Variants in SLC4A11 observed in about 807,000 individuals in gnomAD.
SLC4A11 encodes the protein bicarbonate transporter related protein 1.
A neutral mutation model predicts 95.0 loss-of-function variants in SLC4A11; 74 were observed. That is an observed-to-expected ratio of 0.78 (90% CI 0.65 to 0.95). The LOEUF (loss-of-function observed/expected upper bound fraction) is 0.95. SLC4A11 is among the 40% of genes least tolerant of loss of function. The pLI, the probability that SLC4A11 is intolerant of heterozygous loss-of-function variation, is 0.00. For missense variants in SLC4A11, 1,081 were observed against 1,192.4 expected (o/e 0.91, Z 1.38); for synonymous variants, 548 against 519.0 (o/e 1.06, Z -0.76).
rs752093825 is a variant in SLC4A11 at position 3,229,398 on chromosome 20, G to C, written c.1797C>G (p.Ile599Met). ...TGATGAGGGAGAAGGCGAGCACCGCGATGGGCAGGGCGCAGTCGGACAGGA... is the reference window on the plus strand; with the variant it reads ...TGATGAGGGAGAAGGCGAGCACCGCCATGGGCAGGGCGCAGTCGGACAGGA... ...REILSDCALP[I>M]AVLAFSLISS... The change falls in exon 15 of 20, where the codon ATC (isoleucine) becomes ATG (methionine). Residue 599 changes from isoleucine to methionine, a missense_variant. Transcript: ENST00000642402. The C allele has an allele frequency of 1.2e-6, 2 of 1,613,338 alleles. No individual in the cohort carries two copies. The highest frequency in any genetic ancestry group is 1.7e-5 in the Admixed American group (1 of 60,032).
rs747350862 is a variant in SLC4A11, at chr20:3,229,824, G to C, written c.1490-48C>G. 3.1e-6 allele frequency: 5 copies of C among 1,612,990 alleles called. No individual in the cohort carries two copies. The South Asian group carries it at 5.5e-5, about 18-fold the overall frequency. ...CTCAGCCCTCTCCAGCGTGTGGCAGGGGGAGGCCCTGGAGGGAGGGGATCT... is the reference window on the plus strand; with the variant it reads ...CTCAGCCCTCTCCAGCGTGTGGCAGCGGGAGGCCCTGGAGGGAGGGGATCT... On this transcript the variant is annotated intron_variant, in intron 13 of 19. Coordinates refer to ENST00000642402, the MANE Select transcript of SLC4A11 (RefSeq NM_001174089.2).
chr20:3,230,690 A>G, intron 11 of SLC4A11, 42 bp downstream of exon 11: 1 of 1,612,956 alleles, frequency 6.2e-7, no homozygotes, highest in South Asian at 1.1e-5. Context: ...GGCAGGAACC[A>G]GGGGTCTCAG....
chr20:3,229,543 G>A lies in SLC4A11; in HGVS notation c.1723C>T (p.Leu575Phe). The A allele has an allele frequency of 6.2e-7, 1 of 1,612,894 alleles. No homozygotes were observed. The highest frequency in any genetic ancestry group is 8.5e-7 in the Non-Finnish European group (1 of 1,179,962). ...MLGTLWLGYT[L>F]YQFKKSPYLH... The stretch of plus-strand genomic sequence containing the variant: ...CCTCACCTCTTCTTGAATTGGTAGA[G>A]GGTGTAGCCCAGCCAGAGCGTGCCC... Residue 575 changes from leucine to phenylalanine, a missense_variant, in exon 14 of 20, where the codon CTC (leucine) becomes TTC (phenylalanine). Transcript: ENST00000642402.
rs369794467 is a variant in SLC4A11, at chr20:3,227,748, T to C, written c.*39A>G. The C allele has an allele frequency of 6.2e-7, 1 of 1,606,992 alleles. No homozygotes were observed. The highest frequency in any genetic ancestry group is 8.5e-7 in the Non-Finnish European group (1 of 1,176,308). ...GCTCCAGAGCCAGCCTGGGAGGACG[T>C]GGAGGGCTGGCGAATGGGGCGTGGG... On this transcript the variant is annotated 3_prime_UTR_variant, in exon 20 of 20. Coordinates refer to ENST00000642402, the MANE Select transcript of SLC4A11 (RefSeq NM_001174089.2).
chr20:3,230,808 G>GCC lies in SLC4A11; in HGVS notation c.1204_1205dup (p.Leu403AlafsTer13), dbSNP rs1169567113. On this transcript the variant is annotated frameshift_variant, in exon 11 of 20. Coordinates refer to ENST00000642402, the MANE Select transcript of SLC4A11 (RefSeq NM_001174089.2). LOFTEE classifies it high-confidence loss of function. ...GCCCAGAGAAGAGCGCGTAGAGCAG[G>GCC]CCCCCGATGCTCTGCCCGGCTATGG... 1 of 1,613,210 alleles carries GCC rather than the reference G, an allele frequency of 6.2e-7. No individual in the cohort carries two copies. Among genetic ancestry groups the GCC allele is most frequent in the African/African-American group, 1.3e-5 (1 of 74,934 alleles).
chr20:3,235,309 T>TCACACACACACACACACA (rs58744452), intron 2 of SLC4A11, among the ~76,000 whole-genome samples: 3 of 123,538 alleles, frequency 2.4e-5, no homozygotes, highest in Non-Finnish European at 3.4e-5. Flanking sequence ...TCTCTCTCTC[T>TCACACACACACACACACA]CACACACACA....
In SLC4A11 at chr20:3,234,920, C is replaced by T; in HGVS notation, c.89-26G>A. On this transcript the variant is annotated intron_variant, in intron 2 of 19. Coordinates refer to ENST00000642402, the MANE Select transcript of SLC4A11 (RefSeq NM_001174089.2). This position sits in a 1 kb window ranked among gnomAD's most constrained non-coding sequence, Gnocchi z 5.8. ...CTAGAGACCCCCAAGAGCAAGAGGG[C>T]CTGGCTGTTAAAGTGCCACACACAG... The T allele has an allele frequency of 1.2e-6, 2 of 1,613,618 alleles. No individual in the cohort carries two copies. The highest frequency in any genetic ancestry group is 1.7e-6 in the Non-Finnish European group (2 of 1,179,956).
Position 3,229,598 on chromosome 20 carries a change from C to A in SLC4A11, c.1668G>T (p.Ala556=), listed in dbSNP as rs368073003. 16 of 1,612,616 alleles carry A rather than the reference C, an allele frequency of 9.9e-6. No individual in the cohort carries two copies. In the African/African-American group the frequency reaches 1.9e-4, roughly 19 times the overall value. ...TGATGAGGAGGCTGAGCACGGCGGT[C>A]GCCTGGCCTGAGTGTGTGGCCGAGG... ...ELPSATHSGQ[A]TAVLSLLIML... is the part of the protein sequence containing the mutation. The change falls in exon 14 of 20, where the codon GCG becomes GCT. Residue 556 remains alanine (A), a synonymous_variant. Coordinates refer to ENST00000642402, the MANE Select transcript of SLC4A11 (RefSeq NM_001174089.2).
chr20:3,230,530 A>G lies in SLC4A11; in HGVS notation c.1400T>C (p.Met467Thr). The stretch of plus-strand genomic sequence containing the variant: ...GGCCAGTCACCTCTTGAAGAGACTC[A>G]TGACCAGGCTGAGGTTGAAAAAGGC... The part of the protein sequence containing the change: ...LYAFFNLSLV[M>T]SLFKRSTEEI... Residue 467 changes from methionine (M) to threonine (T), a missense_variant, in exon 12 of 20, where the codon ATG becomes ACG. Transcript: ENST00000642402. 1.2e-6 allele frequency: 2 copies of G among 1,612,728 alleles called. No individual in the cohort carries two copies. The highest frequency in any genetic ancestry group is 1.7e-6 in the Non-Finnish European group (2 of 1,178,952).
rs1568531526 is a variant in SLC4A11, at chr20:3,229,689, G to C, written c.1577C>G (p.Ala526Gly). The part of the protein sequence containing the change: ...SSLVSLSGLG[A>G]SLNASLHTAL... ...AGTGTGGAGGCTGGCGTTGAGGCTGGCGCCGAGGCCTGACAGGCTGACAAG... is the reference window on the plus strand; with the variant it reads ...AGTGTGGAGGCTGGCGTTGAGGCTGCCGCCGAGGCCTGACAGGCTGACAAG... The change falls in exon 14 of 20, where the codon GCC becomes GGC. Residue 526 changes from alanine (A) to glycine (G), a missense_variant. Transcript: ENST00000642402. The C allele has an allele frequency of 2.5e-6, 4 of 1,613,902 alleles. No individual in the cohort carries two copies. The highest frequency in any genetic ancestry group is 2.5e-6 in the Non-Finnish European group (3 of 1,179,964).
Position 3,233,944 on chromosome 20 carries a change from G to T in SLC4A11, c.582C>A (p.Tyr194Ter), listed in dbSNP as rs763387034. 1 of 1,613,508 alleles carries T rather than the reference G, an allele frequency of 6.2e-7. No individual in the cohort carries two copies. Residue 194 changes from tyrosine to a stop codon, truncating the protein, a stop_gained, in exon 6 of 20, where the codon TAC becomes TAA. Coordinates refer to ENST00000642402, the MANE Select transcript of SLC4A11 (RefSeq NM_001174089.2). LOFTEE classifies it high-confidence loss of function. ...GVTATVTGVR[Y>*]QQSWLCIICT... ...ACATGATGCAGAGCCACGACTGCTG[G>T]TACCGCACCCCTGTCACTGTGGCGG...
chr20:3,233,406 GTGAGGAC>G (rs1471176535), intron 7 of SLC4A11, 101 bp downstream of exon 7: 42 of 1,534,644 alleles, frequency 2.7e-5, no homozygotes, highest in South Asian at 1.9e-4. Flanking sequence ...GAAGGGGAGG[GTGAGGAC>G]CAGGCCTTCA....
Position 3,234,434 on chromosome 20 carries a change from G to A in SLC4A11, c.292-120C>T, listed in dbSNP as rs925938683. 204 of 1,449,080 alleles carry A rather than the reference G, an allele frequency of 1.4e-4. No individual in the cohort carries two copies. Among genetic ancestry groups the A allele is most frequent in the Non-Finnish European group, 1.9e-4 (194 of 1,046,972 alleles). The allele number at this position is 1,449,080 out of a possible 1,614,324, so 89.8% of individuals were successfully genotyped here. ...CCCCAGCCCCCAGCCCCCAGCCCTG[G>A]GCTGGTGCGAGCTCCCTGTTGAGCT... On this transcript the variant is annotated intron_variant, in intron 4 of 19. Transcript: ENST00000642402. The surrounding 1 kb of genome is among the most constrained non-coding windows in gnomAD (Gnocchi z 5.8).
rs201643384 is a variant in SLC4A11 at position 3,234,703 on chromosome 20, G to A, written c.241+39C>T. The stretch of plus-strand genomic sequence containing the variant: ...AGGCGAGTCACACCTGCCCAGTCCC[G>A]TGCCTTCCCCCAGTCTGCCCCTGCT... On this transcript the variant is annotated intron_variant, in intron 3 of 19. Coordinates refer to ENST00000642402, the MANE Select transcript of SLC4A11 (RefSeq NM_001174089.2). This position sits in a 1 kb window ranked among gnomAD's most constrained non-coding sequence, Gnocchi z 5.8. 670 of 1,613,734 alleles carry A rather than the reference G, an allele frequency of 4.2e-4. 5 individuals carry two copies. The highest frequency in any genetic ancestry group is 1.9e-3 in the South Asian group (173 of 91,068).
intron 2 of SLC4A11, among the ~76,000 whole-genome samples, chr20:3,236,588 A>C (rs2122638795): frequency 1.1e-5 from 1 of 93,298 alleles, no homozygotes. Context: ...GACTCAAAAC[A>C]AAACAAAACA....
intron 2 of SLC4A11, 142 bp from the exon 3 acceptor site, chr20:3,235,036 G>T: frequency 1.0e-6 from 1 of 978,520 alleles, no homozygotes; most frequent in East Asian, 2.5e-5. Flanking sequence ...AGGCGAGGAA[G>T]GCAGCTTCTA....
intron 16 of SLC4A11, 35 bp downstream of exon 16, chr20:3,229,060 G>GGCCCCCCCCCCCCCCCCCCCCCCCCCC: frequency 1.3e-6 from 2 of 1,542,132 alleles, no homozygotes; most frequent in Non-Finnish European, 1.7e-6. Context: ...AGAGGCCCGG[G>GGCCCCCCCCCCCCCCCCCCCCCCCCCC]CCCCGCCCAC....
At chr20:3,238,674 C>A (rs1338774469) in intron 1 of SLC4A11, 2 of 1,000,942 alleles carry the variant, frequency 2.0e-6, no homozygotes, top group Non-Finnish European at 2.4e-6. Context: ...GGGGCTCCCA[C>A]CGCGGCGCCG....
chr20:3,231,020 T>C lies in SLC4A11; in HGVS notation c.1081A>G (p.Thr361Ala). The change falls in exon 10 of 20, where the codon ACC (threonine) becomes GCC (alanine). Residue 361 changes from threonine (T) to alanine (A), a missense_variant. Thr to Ala is a moderately conservative substitution (Grantham distance 58). Around this residue, in one of 3 missense-constraint regions of SLC4A11, gnomAD observed 767 missense variants for 858.0 expected, o/e 0.89. Coordinates refer to ENST00000642402, the MANE Select transcript of SLC4A11 (RefSeq NM_001174089.2). This position sits in a 1 kb window ranked among gnomAD's most constrained non-coding sequence, Gnocchi z 5.2. ...GCGAAGTAGAGGAACAGGGTGGTGG[T>C]GATGTATTTGCCCACAGCCTTGTTT... Reference protein sequence around the residue: ...GKNKAVGKYITTTLFLYFACL... With the variant: ...GKNKAVGKYIATTLFLYFACL... 6.2e-7 allele frequency: 1 copy of C among 1,612,014 alleles called. No individual in the cohort carries two copies. The highest frequency in any genetic ancestry group is 8.5e-7 in the Non-Finnish European group (1 of 1,179,692).
Sources: allele counts gnomAD v4.1 joint callset (sites outside exome capture counted in the v4.1 genomes callset), GRCh38; gene constraint gnomAD v4.1.1; regional missense constraint gnomAD v4.1.1; non-coding constraint Gnocchi (gnomAD v3.1); transcripts MANE v1.5; gene names NCBI Gene and HGNC (gene_info 2026-07-23, HGNC 2026-07-21).